The following PHACTR3 variants were observed in gnomAD, a reference collection of about 807,000 sequenced individuals.
PHACTR3 encodes the protein protein phosphatase 1, regulatory subunit 123.
Under a neutral mutation model 66.8 loss-of-function variants are expected in PHACTR3, and 16 were observed. That is an observed-to-expected ratio of 0.24 (90% confidence interval 0.16 to 0.36). The LOEUF (loss-of-function observed/expected upper bound fraction) is 0.36. Among genes scored for constraint, PHACTR3 ranks in the 10% least tolerant of loss-of-function variants. PHACTR3 has a pLI of 1.00. For synonymous variants in PHACTR3, 323 were observed against 292.1 expected (o/e 1.11, Z -1.08); for missense variants, 647 against 719.9 (o/e 0.90, Z 1.16).
rs141640824 is a variant in PHACTR3, at chr20:59,616,641, G to A, written c.118+11509G>A. On this transcript the variant is annotated intron_variant, in intron 1 of 12. Coordinates refer to ENST00000371015, the MANE Select transcript of PHACTR3 (RefSeq NM_080672.5). ...CTGAGTCTCATTCCAGCTGGGACGT[G>A]AGGCTGTGGCTGCGCTGAGCTGACC... Among the ~76,000 whole-genome samples, 527 of 152,332 alleles carry A rather than the reference G, an allele frequency of 3.5e-3. 3 individuals carry two copies. Among genetic ancestry groups the A allele is most frequent in the African/African-American group, 0.012 (500 of 41,564 alleles).
At chr20:59,839,550 CTTTA>C (rs2059020551) in intron 9 of PHACTR3, among the ~76,000 whole-genome samples, 1 of 152,114 alleles carries the variant, frequency 6.6e-6, no homozygotes, top group Non-Finnish European at 1.5e-5. Flanking sequence ...GGACATAAGG[CTTTA>C]TTTAGCAACA....
intron 7 of PHACTR3, among the ~76,000 whole-genome samples, chr20:59,791,340 T>G (rs1253573226): frequency 6.6e-6 from 1 of 152,204 alleles, no homozygotes; most frequent in Non-Finnish European, 1.5e-5. Context: ...AGCCAATAAA[T>G]TTCTGTTCAA....
intron 1 of PHACTR3, among the ~76,000 whole-genome samples, chr20:59,616,286 T>C (rs886135130): frequency 3.9e-5 from 6 of 152,076 alleles, no homozygotes; most frequent in African/African-American, 1.2e-4. Context: ...CTCCTATCAC[T>C]GTGGAGAAGT....
At chr20:59,776,603 G>A (rs765250303) in intron 7 of PHACTR3, among the ~76,000 whole-genome samples, 8 of 152,174 alleles carry the variant, frequency 5.3e-5, no homozygotes, top group East Asian at 1.9e-4. Context: ...GCATTGTTAG[G>A]CCATCCAGAT....
chr20:59,803,467 G>A (rs1465122632), intron 7 of PHACTR3, among the ~76,000 whole-genome samples: 1 of 151,852 alleles, frequency 6.6e-6, no homozygotes, highest in Non-Finnish European at 1.5e-5. Flanking sequence ...ATAAAATACA[G>A]TAACCAAAAT....
At chr20:59,780,542 A>C (rs2040688573) in intron 7 of PHACTR3, among the ~76,000 whole-genome samples, 1 of 152,154 alleles carries the variant, frequency 6.6e-6, no homozygotes, top group Non-Finnish European at 1.5e-5. Context: ...CCCATTGGTG[A>C]GGGTTCCACC....
chr20:59,826,653 C>G (rs892381913), intron 8 of PHACTR3, among the ~76,000 whole-genome samples: 8 of 152,152 alleles, frequency 5.3e-5, no homozygotes, highest in Non-Finnish European at 1.0e-4. Flanking sequence ...ACACTCTGTC[C>G]CTGCCCTGTC....
At chr20:59,622,989 A>AAAAAAAAAAAAAAAAAAAC (rs1325417969) in intron 1 of PHACTR3, among the ~76,000 whole-genome samples, 5 of 141,468 alleles carry the variant, frequency 3.5e-5, no homozygotes, top group Admixed American at 2.4e-4. Context: ...ACCAAAAAAA[A>AAAAAAAAAAAAAAAAAAAC]AAAAAAAAAA....
At chr20:59,798,937 G>T (rs1299756796) in intron 7 of PHACTR3, among the ~76,000 whole-genome samples, 1 of 151,442 alleles carries the variant, frequency 6.6e-6, no homozygotes, top group African/African-American at 2.4e-5. Flanking sequence ...TTTAATATTG[G>T]CATTTAATGT....
intron 1 of PHACTR3, among the ~76,000 whole-genome samples, chr20:59,702,784 A>T (rs1283534967): frequency 6.6e-6 from 1 of 152,208 alleles, no homozygotes; most frequent in Admixed American, 6.5e-5. Flanking sequence ...TATTGTATTC[A>T]TCCGTGAAAA....
intron 1 of PHACTR3, among the ~76,000 whole-genome samples, chr20:59,724,644 T>A (rs1322473724): frequency 6.6e-6 from 1 of 152,218 alleles, no homozygotes; most frequent in Non-Finnish European, 1.5e-5. Context: ...CAATGCTGTG[T>A]GATCCTGGGC....
rs117724746 is a variant in PHACTR3 at position 59,845,915 on chromosome 20, T to G, written c.1664+650T>G. 7.9e-4 allele frequency among the ~76,000 whole-genome samples: 121 copies of G among 152,332 alleles called. 2 individuals carry two copies. The East Asian group carries it at 0.022, about 28-fold the overall frequency. On this transcript the variant is annotated intron_variant, in intron 12 of 12. Transcript: ENST00000371015. ...GATATGCAAGGGATGACACTGGGCT[T>G]CTTAGTGATGACGAAGTTGGGAAAA...
chr20:59,810,304 A>G (rs191299850), intron 8 of PHACTR3, among the ~76,000 whole-genome samples: 10 of 152,326 alleles, frequency 6.6e-5, no homozygotes, highest in South Asian at 4.1e-4. Context: ...TTTTTACTCC[A>G]TTACTTACTG....
At chr20:59,845,328 T>TC in intron 12 of PHACTR3, 63 bp downstream of exon 12, 1 of 998,986 alleles carries the variant, frequency 1.0e-6, no homozygotes, top group Non-Finnish European at 1.5e-6. Flanking sequence ...CCTTCCCCCG[T>TC]CCCCCGCCAC....
chr20:59,630,593 A>G (rs1355559216), intron 1 of PHACTR3, among the ~76,000 whole-genome samples: 1 of 152,224 alleles, frequency 6.6e-6, no homozygotes, highest in Non-Finnish European at 1.5e-5. Context: ...AAGTGGTTCT[A>G]TTAGAGCAAC....
Position 59,735,042 on chromosome 20 carries a change from G to A in PHACTR3, c.119-8065G>A, listed in dbSNP as rs562652472. On this transcript the variant is annotated intron_variant, in intron 1 of 12. Transcript: ENST00000371015. ...GAGAGAGGGTACCTAGCACCACTTT[G>A]TCCCTCAGGCCTAACACTGTGCTTT... Among the ~76,000 whole-genome samples the A allele has an allele frequency of 2.0e-5, 3 of 152,096 alleles. 1 individual carries two copies. In the South Asian group the frequency reaches 6.3e-4, roughly 32 times the overall value.
At chr20:59,703,960 C>T (rs1306757298) in intron 1 of PHACTR3, among the ~76,000 whole-genome samples, 1 of 152,070 alleles carries the variant, frequency 6.6e-6, no homozygotes, top group Non-Finnish European at 1.5e-5. Flanking sequence ...AAATAGTGGG[C>T]TGTTATTTCA....
intron 8 of PHACTR3, among the ~76,000 whole-genome samples, chr20:59,808,883 G>A (rs975585934): frequency 3.3e-5 from 5 of 152,144 alleles, no homozygotes; most frequent in South Asian, 2.1e-4. Flanking sequence ...GGGCCGTCCC[G>A]TGTGTGTAGT....
At chr20:59,602,130 C>T (rs560386733), upstream of PHACTR3, among the ~76,000 whole-genome samples, 76 of 152,312 alleles carry the variant, frequency 5.0e-4, no homozygotes, top group African/African-American at 1.8e-3. Flanking sequence ...CTGAACTCCT[C>T]TCTCACCCTT....
Sources: allele counts gnomAD v4.1 joint callset (sites outside exome capture counted in the v4.1 genomes callset), GRCh38; gene constraint gnomAD v4.1.1; transcripts MANE v1.5; gene names NCBI Gene and HGNC (gene_info 2026-07-23, HGNC 2026-07-21).